SATL1: variants seen among roughly 807,000 people sequenced by gnomAD.
The protein encoded by SATL1 is spermidine/spermine N(1)-acetyltransferase-like protein 1.
In SATL1, 47 loss-of-function variants were observed where a neutral mutation model predicts 51.8. The ratio of observed to expected loss-of-function variants is 0.91; its 90% CI spans 0.72 to 1.16. The LOEUF is 1.16. Among genes scored for constraint, SATL1 ranks in the 50% most tolerant of loss-of-function variants. The pLI, the probability that SATL1 is intolerant of heterozygous loss-of-function variation, is 0.00. For synonymous variants in SATL1, 176 were observed against 182.4 expected (o/e 0.97, Z 0.28); for missense variants, 520 against 526.4 (o/e 0.99, Z 0.12).
At chrX:85,165,290 C>T (rs1354685143) in intron 2 of SATL1, among the ~76,000 whole-genome samples, 1 of 111,117 alleles carries the variant, frequency 9.0e-6, no homozygotes, top group Non-Finnish European at 1.9e-5. Flanking sequence ...ACAGCCTTGT[C>T]TTCAAGCTCT....
intron 2 of SATL1, among the ~76,000 whole-genome samples, chrX:85,135,548 T>C (rs190925591): frequency 9.3e-6 from 1 of 107,430 alleles, no homozygotes; most frequent in African/African-American, 3.4e-5. Context: ...TTTGCTTTCA[T>C]TAAAAAAAAA....
chrX:85,147,115 C>A (rs1216808273), intron 2 of SATL1, among the ~76,000 whole-genome samples: 4 of 114,082 alleles, frequency 3.5e-5, no homozygotes, highest in Non-Finnish European at 7.5e-5. Context: ...TCACTCCCAC[C>A]CTAATACTGT....
At chrX:85,160,642 A>T (rs2147728020) in intron 2 of SATL1, among the ~76,000 whole-genome samples, 1 of 111,379 alleles carries the variant, frequency 9.0e-6, no homozygotes, top group South Asian at 3.9e-4. Context: ...AAAAAGAATG[A>T]AAAGGAAAAA....
chrX:85,130,328 G>T (rs1272279116), intron 2 of SATL1, among the ~76,000 whole-genome samples: 1 of 111,392 alleles, frequency 9.0e-6, no homozygotes, highest in Non-Finnish European at 1.9e-5. Flanking sequence ...TTCAGAGCCT[G>T]TTATTGGTCT....
At chrX:85,220,468 TACAGC>T (rs2147760540) in intron 2 of SATL1, among the ~76,000 whole-genome samples, 1 of 106,775 alleles carries the variant, frequency 9.4e-6, no homozygotes, top group East Asian at 3.0e-4. Flanking sequence ...CTCTCCGCTG[TACAGC>T]TTGTGGCTCC....
Position 85,176,778 on chromosome X carries a change from T to A in SATL1, c.-313+47427A>T, listed in dbSNP as rs776119533. ...GTTGGAGAAGATAAGTCGGAAAAAA[T>A]TTTTCTCTATTTAAATTAGTACTCA... On this transcript the variant is annotated intron_variant, in intron 2 of 7. Coordinates refer to ENST00000644105, the MANE Select transcript of SATL1 (RefSeq NM_001367857.2). Among the ~76,000 whole-genome samples the A allele has an allele frequency of 3.6e-5, 4 of 110,886 alleles. No homozygotes were observed. The East Asian group carries it at 1.1e-3, about 31-fold the overall frequency.
At chrX:85,207,163 G>C (rs768928654) in intron 2 of SATL1, 9 of 111,279 alleles carry the variant, frequency 8.1e-5, no homozygotes, top group African/African-American at 1.3e-4. Flanking sequence ...TTGAACTTCT[G>C]GAAATTCTTT....
Position 85,092,526 on chromosome X carries a change from A to G in SATL1, c.1953T>C (p.Phe651=), listed in dbSNP as rs372358138. The G allele has an allele frequency of 4.1e-6, 5 of 1,208,748 alleles. No homozygotes were observed. In the African/African-American group the frequency reaches 5.2e-5, roughly 13 times the overall value. ...AITTQCNCMH[F]LVVIWNQASI... is the part of the protein sequence containing the mutation. The stretch of plus-strand genomic sequence containing the variant: ...AAGCCTGGTTCCAAATGACGACAAG[A>G]AAGTGCATGCAGTTACATTGAGTTG... Residue 651 remains phenylalanine (F), a synonymous_variant, in exon 8 of 8, where the codon TTT becomes TTC. Transcript: ENST00000644105.
intron 2 of SATL1, among the ~76,000 whole-genome samples, chrX:85,131,581 A>C (rs1425783587): frequency 9.0e-6 from 1 of 110,951 alleles, no homozygotes; most frequent in Non-Finnish European, 1.9e-5. Context: ...CAGCACACTG[A>C]AGGGTATTGA....
intron 2 of SATL1, chrX:85,218,977 G>C (rs1159482562): frequency 8.9e-6 from 1 of 112,062 alleles, no homozygotes; most frequent in Non-Finnish European, 1.9e-5. Context: ...CTAAACATAA[G>C]CATATCTGAA....
chrX:85,187,225 A>AT (rs770763767), intron 2 of SATL1, among the ~76,000 whole-genome samples: 2 of 111,569 alleles, frequency 1.8e-5, no homozygotes, highest in East Asian at 2.8e-4. Context: ...TCATTCTAAC[A>AT]TTTTTTGGTG....
At position 85,109,210 on chromosome X, in the gene SATL1, G is replaced by A. The variant is rs1925195684; in HGVS notation, c.-242C>T. On this transcript the variant is annotated 5_prime_UTR_variant, in exon 3 of 8. Coordinates refer to ENST00000644105, the MANE Select transcript of SATL1 (RefSeq NM_001367857.2). ...GGAAGATTATTAATGCCTCCGGTTT[G>A]CTGGAGTTGACTTCACCAGCGACCA... 2.5e-6 allele frequency: 1 copy of A among 401,651 alleles called. No homozygotes were observed. The allele number at this position is 401,651 out of a possible 1,213,427, so 33.1% of individuals were successfully genotyped here.
intron 2 of SATL1, among the ~76,000 whole-genome samples, chrX:85,217,695 C>G (rs1452396326): frequency 3.6e-5 from 4 of 111,542 alleles, no homozygotes; most frequent in South Asian, 3.7e-4. Context: ...TGTTAGATAT[C>G]AAATCCAAAA....
At chrX:85,146,819 A>C (rs1227416676) in intron 2 of SATL1, among the ~76,000 whole-genome samples, 1 of 111,831 alleles carries the variant, frequency 8.9e-6, no homozygotes, top group Non-Finnish European at 1.9e-5. Flanking sequence ...CCATAAATAC[A>C]TGGACATTTC....
intron 2 of SATL1, among the ~76,000 whole-genome samples, chrX:85,178,075 A>C (rs1602892403): frequency 9.0e-6 from 1 of 111,731 alleles, no homozygotes; most frequent in African/African-American, 3.2e-5. Context: ...AGCTTCCTTC[A>C]TATTTGAAGA....
chrX:85,149,593 A>G (rs1433296213), intron 2 of SATL1, among the ~76,000 whole-genome samples: 4 of 111,928 alleles, frequency 3.6e-5, no homozygotes, highest in Admixed American at 9.5e-5. Flanking sequence ...ATGTAAAAGA[A>G]CAGAAATTAT....
At chrX:85,112,919 A>C (rs772414998) in intron 2 of SATL1, among the ~76,000 whole-genome samples, 39 of 111,607 alleles carry the variant, frequency 3.5e-4, no homozygotes, top group African/African-American at 1.3e-3. Flanking sequence ...CTGACTAACT[A>C]CTGTAACATT....
chrX:85,152,293 C>T (rs1204489062), intron 2 of SATL1, among the ~76,000 whole-genome samples: 37 of 110,946 alleles, frequency 3.3e-4, no homozygotes, highest in African/African-American at 1.2e-3. Flanking sequence ...GTTAGAATGG[C>T]AATCATTAAA....
intron 2 of SATL1, chrX:85,210,595 T>C (rs749407038): frequency 1.8e-5 from 2 of 110,108 alleles, no homozygotes; most frequent in African/African-American, 3.3e-5. Context: ...TCTTGCCTGA[T>C]AAGAGAAAGA....
Sources: allele counts gnomAD v4.1 joint callset (sites outside exome capture counted in the v4.1 genomes callset), GRCh38; gene constraint gnomAD v4.1.1; transcripts MANE v1.5; gene names NCBI Gene and HGNC (gene_info 2026-07-23, HGNC 2026-07-21).